The following FOXP2 variants were observed in gnomAD, a reference collection of about 807,000 sequenced individuals.
FOXP2 encodes the protein forkhead box P2.
FOXP2 carries 12 observed loss-of-function variants against 115.8 expected under a neutral mutation model. The observed-to-expected ratio is 0.10, with a 90% CI of 0.07 to 0.17. The LOEUF is 0.17. Among genes scored for constraint, FOXP2 ranks in the 10% least tolerant of loss-of-function variants. The pLI is 1.00. For missense variants in FOXP2, 629 were observed against 843.5 expected, an observed-to-expected ratio of 0.75 and a Z score of 3.15; for synonymous variants, 328 against 297.7, an observed-to-expected ratio of 1.10 and a Z score of -1.05.
At chr7:114,214,574 T>C (rs1476489329) in intron 1 of FOXP2, among the ~76,000 whole-genome samples, 1 of 152,192 alleles carries the variant, frequency 6.6e-6, no homozygotes, top group South Asian at 2.1e-4. Flanking sequence ...ATGTTGTATA[T>C]ACTGAGATGC....
intron 3 of FOXP2, among the ~76,000 whole-genome samples, chr7:114,536,513 T>G (rs1291490455): frequency 6.6e-6 from 1 of 150,886 alleles, no homozygotes; most frequent in Non-Finnish European, 1.5e-5. Flanking sequence ...TGTGGGAATA[T>G]TAATGGCTCT....
chr7:114,588,381 G>A lies in FOXP2; in HGVS notation c.259-40159G>A, dbSNP rs986800961. 2.6e-5 allele frequency among the ~76,000 whole-genome samples: 4 copies of A among 152,034 alleles called. No individual in the cohort carries two copies. In the South Asian group the frequency reaches 8.3e-4, roughly 32 times the overall value. On this transcript the variant is annotated intron_variant, in intron 3 of 16. Transcript: ENST00000350908. ...TAAAGGAACCAAATAATGCCTGCAT[G>A]TTTAAAAGTATATATAAAATGCTCC...
At chr7:114,283,288 A>C (rs893629313) in intron 1 of FOXP2, among the ~76,000 whole-genome samples, 11 of 152,228 alleles carry the variant, frequency 7.2e-5, no homozygotes, top group Non-Finnish European at 1.3e-4. Flanking sequence ...AGTATTTAAA[A>C]TGTTAGTATA....
At chr7:114,417,299 C>T (rs374570661) in intron 1 of FOXP2, among the ~76,000 whole-genome samples, 22 of 151,894 alleles carry the variant, frequency 1.4e-4, no homozygotes, top group African/African-American at 5.3e-4. Flanking sequence ...GCATACAAAT[C>T]CCCCTGGCAA....
chr7:114,643,452 G>C (rs1029450161), intron 7 of FOXP2, among the ~76,000 whole-genome samples: 1 of 151,996 alleles, frequency 6.6e-6, no homozygotes, highest in Non-Finnish European at 1.5e-5. Flanking sequence ...GATGAAATAA[G>C]TAAATATATA....
intron 1 of FOXP2, among the ~76,000 whole-genome samples, chr7:114,279,059 A>T (rs1796263946): frequency 6.6e-6 from 1 of 152,160 alleles, no homozygotes; most frequent in South Asian, 2.1e-4. Context: ...TTAATTCAAG[A>T]AAATGGAAGT....
At chr7:114,566,917 C>T (rs550853464) in intron 3 of FOXP2, among the ~76,000 whole-genome samples, 1 of 151,902 alleles carries the variant, frequency 6.6e-6, no homozygotes, top group African/African-American at 2.4e-5. Context: ...GAAAATTACA[C>T]TTCATCAACC....
chr7:114,423,434 C>G (rs1260500300), intron 1 of FOXP2, among the ~76,000 whole-genome samples: 1 of 151,502 alleles, frequency 6.6e-6, no homozygotes, highest in Non-Finnish European at 1.5e-5. Context: ...CTAACTGTAT[C>G]GTTTGAGTGT....
chr7:114,213,684 A>G (rs936065360), intron 1 of FOXP2, among the ~76,000 whole-genome samples: 6 of 152,138 alleles, frequency 3.9e-5, no homozygotes, highest in Non-Finnish European at 8.8e-5. Context: ...ATATGACCCA[A>G]CTCTTAGTTA....
At position 114,379,927 on chromosome 7, in the gene FOXP2, G is replaced by A. The variant is rs1311385971; in HGVS notation, c.-10-46575G>A. Reference sequence around the variant, plus strand: ...AATATTTTTCCTTCTTCGGTGGCTAGCCATCTGAAGGGGAGGGAAGTATGT... The same window carrying A: ...AATATTTTTCCTTCTTCGGTGGCTAACCATCTGAAGGGGAGGGAAGTATGT... On this transcript the variant is annotated intron_variant, in intron 2 of 17. Coordinates refer to the FOXP2 transcript ENST00000634411. Among the ~76,000 whole-genome samples, 7 of 152,248 alleles carry A rather than the reference G, an allele frequency of 4.6e-5. 2 individuals carry two copies. The highest frequency in any genetic ancestry group is 3.9e-4 in the Admixed American group (6 of 15,302).
At chr7:114,535,829 A>G (rs1373291846) in intron 3 of FOXP2, among the ~76,000 whole-genome samples, 1 of 151,692 alleles carries the variant, frequency 6.6e-6, no homozygotes, top group Non-Finnish European at 1.5e-5. Context: ...TCAACAGAGT[A>G]CAGATGTCTG....
chr7:114,657,757 G>A (rs1021700504), intron 10 of FOXP2, among the ~76,000 whole-genome samples: 1 of 152,162 alleles, frequency 6.6e-6, no homozygotes, highest in Non-Finnish European at 1.5e-5. Flanking sequence ...TTAACAACAG[G>A]GGCAGTCGAT....
chr7:114,171,418 A>T (rs1161367818), intron 1 of FOXP2, among the ~76,000 whole-genome samples: 2 of 152,116 alleles, frequency 1.3e-5, no homozygotes, highest in African/African-American at 2.4e-5. Flanking sequence ...GCAAAAAATT[A>T]AAAAATTAGC....
At chr7:114,240,224 T>TG (rs1562831165) in intron 1 of FOXP2, among the ~76,000 whole-genome samples, 3 of 152,026 alleles carry the variant, frequency 2.0e-5, no homozygotes, top group East Asian at 1.9e-4. Context: ...TTTTGTTGGT[T>TG]GGGGGGAGGA....
At chr7:114,567,569 C>A (rs999855958) in intron 3 of FOXP2, among the ~76,000 whole-genome samples, 1 of 152,038 alleles carries the variant, frequency 6.6e-6, no homozygotes, top group Admixed American at 6.6e-5. Context: ...CATTGTGTGG[C>A]CTTTTCACTC....
intron 3 of FOXP2, among the ~76,000 whole-genome samples, chr7:114,542,072 G>T (rs2129281885): frequency 6.6e-6 from 1 of 151,924 alleles, no homozygotes; most frequent in Admixed American, 6.6e-5. Flanking sequence ...TTTCCTCTGT[G>T]GATTCTATTT....
rs149764822 is a variant in FOXP2, at chr7:114,400,194, G to T, written c.-10-26308G>T. On this transcript the variant is annotated intron_variant, in intron 2 of 17. Coordinates refer to the FOXP2 transcript ENST00000634411. The stretch of plus-strand genomic sequence containing the variant: ...TTTCTTTGTAAAATTTATGTTTTTT[G>T]TTGTTGTTGTTGTTGTTGTTTTTGG... Among the ~76,000 whole-genome samples the T allele has an allele frequency of 5.9e-3, 902 of 151,732 alleles. 8 individuals are homozygous for T. The highest frequency in any genetic ancestry group is 0.02 in the African/African-American group (846 of 41,382).
intron 2 of FOXP2, among the ~76,000 whole-genome samples, chr7:114,484,686 C>T (rs1234265284): frequency 6.6e-6 from 1 of 151,798 alleles, no homozygotes; most frequent in African/African-American, 2.4e-5. Context: ...GAAATCATAT[C>T]CTGAATTGCA....
At position 114,692,261 on chromosome 7, in the gene FOXP2, T is replaced by C. The variant is rs1320612270; in HGVS notation, c.*2335T>C. The C allele has an allele frequency of 4.4e-6, 2 of 453,972 alleles. No homozygotes were observed. Among genetic ancestry groups the C allele is most frequent in the Admixed American group, 2.4e-5 (1 of 42,536 alleles). The allele number at this position is 453,972 out of a possible 1,614,324, so 28.1% of individuals were successfully genotyped here. A position where few individuals can be genotyped will look rare whatever the true frequency, so the allele number is the denominator to read the frequency against. ...TAAGACTACAATGCTAAAGTATGCATACCTCAGTTAGAAAACTTTTGAAAG... is the reference window on the plus strand; with the variant it reads ...TAAGACTACAATGCTAAAGTATGCACACCTCAGTTAGAAAACTTTTGAAAG... On this transcript the variant is annotated 3_prime_UTR_variant, in exon 17 of 17. Transcript: ENST00000350908.
Sources: gnomAD v4.1 joint callset for allele counts (sites outside exome capture counted in the v4.1 genomes callset) on GRCh38, gnomAD v4.1.1 for gene constraint, MANE v1.5 for transcripts, NCBI Gene and HGNC (gene_info 2026-07-23, HGNC 2026-07-21) for gene names.